ATM: variants seen among roughly 807,000 people sequenced by gnomAD.
ATM encodes the protein ATM serine/threonine kinase, also known as serine-protein kinase ATM.
Under a neutral mutation model 387.0 loss-of-function variants are expected in ATM, and 308 were observed. The ratio of observed to expected loss-of-function variants is 0.80; its 90% CI spans 0.73 to 0.87. ATM has a LOEUF of 0.87. ATM is among the 40% of genes least tolerant of loss of function. ATM has a pLI of 0.00. For missense variants in ATM, 3,312 were observed against 3,560.9 expected (o/e 0.93, Z 1.78); for synonymous variants, 1,156 against 1,187.3 (o/e 0.97, Z 0.54).
At chr11:108,304,631 C>G (rs1346118516) in intron 36 of ATM, 44 bp from the exon 37 acceptor site, 2 of 1,576,698 alleles carry the variant, frequency 1.3e-6, no homozygotes, top group East Asian at 2.2e-5. Context: ...TAATTTTACT[C>G]ATTTTTACTC....
rs4987929 is a variant in ATM, at chr11:108,247,405, C to T, written c.1065+278C>T. On this transcript the variant is annotated intron_variant, in intron 8 of 62. Transcript: ENST00000675843. ...TGACCCTAACCCTAATGATTCGATTCGACTCGACTGTATTCTACAAAGTGC... is the reference window on the plus strand; with the variant it reads ...TGACCCTAACCCTAATGATTCGATTTGACTCGACTGTATTCTACAAAGTGC... Among the ~76,000 whole-genome samples the T allele has an allele frequency of 0.024, 3,576 of 152,134 alleles. 103 individuals are homozygous for T. Among genetic ancestry groups the T allele is most frequent in the African/African-American group, 0.074 (3,086 of 41,490 alleles).
At chr11:108,324,268 A>G (rs2085444601) in intron 45 of ATM, among the ~76,000 whole-genome samples, 1 of 152,208 alleles carries the variant, frequency 6.6e-6, no homozygotes, top group South Asian at 2.1e-4. Context: ...GCCATTTTAA[A>G]TAAGGGACTT....
chr11:108,293,166 A>T (rs2082900491), intron 30 of ATM, 147 bp from the exon 31 acceptor site: 1 of 616,666 alleles, frequency 1.6e-6, no homozygotes, highest in Admixed American at 3.3e-5. Context: ...GAAAACACAG[A>T]AACTAAAAGC....
intron 35 of ATM, 73 bp downstream of exon 35, chr11:108,301,862 T>G (rs902057026): frequency 4.0e-6 from 6 of 1,515,096 alleles, no homozygotes; most frequent in Non-Finnish European, 5.5e-6. Context: ...GGGTCATGAC[T>G]GTTAAATTGC....
chr11:108,312,485 G>T lies in ATM; in HGVS notation c.5993G>T (p.Gly1998Val), dbSNP rs1188125296. The T allele has an allele frequency of 7.6e-6, 12 of 1,570,434 alleles. No individual in the cohort carries two copies. The highest frequency in any genetic ancestry group is 9.6e-6 in the Non-Finnish European group (11 of 1,140,838). ...SLSEKSKEET[G>V]ISLQDLLLEI... ...AGTGAAAAAAGTAAAGAAGAAACTG[G>T]AATAAGTTTACAGGTAAATATTAGA... The change falls in exon 40 of 63, where the codon GGA becomes GTA. Residue 1998 changes from glycine to valine, a missense_variant. Physicochemically the swap from Gly to Val is moderately radical, Grantham distance 109 (BLOSUM62 -3). This residue lies in a region of ATM where 1,405 missense variants were observed against 1,604.4 expected (regional missense o/e 0.88). Transcript: ENST00000675843.
At chr11:108,335,285 TTG>T in intron 55 of ATM, 176 bp downstream of exon 55, 3 of 1,517,092 alleles carry the variant, frequency 2.0e-6, no homozygotes, top group Middle Eastern at 3.4e-4. Context: ...TCCATTTTTT[TTG>T]TGTCTCTGAA....
chr11:108,271,387 A>T lies in ATM; in HGVS notation c.3058A>T (p.Thr1020Ser), dbSNP rs1315108082. 1 of 1,614,106 alleles carries T rather than the reference A, an allele frequency of 6.2e-7. No homozygotes were observed. Among genetic ancestry groups the T allele is most frequent in the Non-Finnish European group, 8.5e-7 (1 of 1,180,002 alleles). The change falls in exon 20 of 63, where the codon ACA becomes TCA. Residue 1020 changes from threonine to serine, a missense_variant. Physicochemically the swap from Thr to Ser is moderately conservative, Grantham distance 58. This residue lies in a region of ATM where 1,791 missense variants were observed against 1,804.5 expected (regional missense o/e 0.99). Transcript: ENST00000675843. ...NTRDAQGQFL[T>S]VIGAFWHLTK... Reference sequence around the variant, plus strand: ...AAGGGATGCTCAAGGACAGTTTCTTACAGTAATTGGAGCATTTTGGTAGGT... The same window carrying T: ...AAGGGATGCTCAAGGACAGTTTCTTTCAGTAATTGGAGCATTTTGGTAGGT...
At chr11:108,355,159 G>T in intron 61 of ATM, 2 of 392,476 alleles carry the variant, frequency 5.1e-6, no homozygotes, top group Non-Finnish European at 9.3e-6. Context: ...TATTCCATAT[G>T]GTATTATTAT....
At chr11:108,338,114 C>T (rs1162964397) in intron 56 of ATM, among the ~76,000 whole-genome samples, 2 of 152,232 alleles carry the variant, frequency 1.3e-5, no homozygotes, top group African/African-American at 2.4e-5. Context: ...TTCAGGAGGC[C>T]GAGGTGGGCG....
At chr11:108,295,290 A>T in intron 32 of ATM, 2 of 481,884 alleles carry the variant, frequency 4.2e-6, no homozygotes, top group South Asian at 2.5e-5. Flanking sequence ...CCCAAATATG[A>T]TCATGTTTTT....
intron 45 of ATM, among the ~76,000 whole-genome samples, chr11:108,322,258 G>A (rs2085291084): frequency 1.3e-5 from 2 of 152,000 alleles, no homozygotes; most frequent in Admixed American, 6.6e-5. Context: ...AGGTTCAAGC[G>A]ATTCTCCTGC....
chr11:108,340,522 AT>A (rs1176598977), intron 56 of ATM, among the ~76,000 whole-genome samples: 1 of 152,186 alleles, frequency 6.6e-6, no homozygotes, highest in African/African-American at 2.4e-5. Context: ...AGCAAGTCCT[AT>A]TGGTCAACTT....
At chr11:108,280,951 C>T (rs1203116353) in intron 23 of ATM, 44 bp from the exon 24 acceptor site, 5 of 1,537,588 alleles carry the variant, frequency 3.3e-6, no homozygotes, top group Admixed American at 1.7e-5. Flanking sequence ...GATTGTTAAA[C>T]ATTTACATTT....
chr11:108,243,999 T>C lies in ATM; in HGVS notation c.543T>C (p.Asp181=). ...GGCTCTATCTGAAACCTTCACAAGA[T>C]GTTCATAGAGTTTTAGTGGCTAGAA... The part of the protein sequence containing the change: ...YFRLYLKPSQ[D]VHRVLVARII... Residue 181 remains aspartate (D), a synonymous_variant, in exon 6 of 63, where the codon GAT becomes GAC. Coordinates refer to ENST00000675843, the MANE Select transcript of ATM (RefSeq NM_000051.4). 1.2e-6 allele frequency: 2 copies of C among 1,612,104 alleles called. No homozygotes were observed. Among genetic ancestry groups the C allele is most frequent in the African/African-American group, 1.3e-5 (1 of 74,962 alleles).
intron 43 of ATM, among the ~76,000 whole-genome samples, chr11:108,318,079 C>T (rs1022477146): frequency 3.5e-4 from 53 of 152,044 alleles, no homozygotes; most frequent in African/African-American, 9.4e-4. Context: ...AAAAATAATA[C>T]GGCCAGGCAC....
At chr11:108,252,736 C>G in intron 11 of ATM, 81 bp from the exon 12 acceptor site, 3 of 966,592 alleles carry the variant, frequency 3.1e-6, no homozygotes, top group African/African-American at 3.3e-5. Context: ...AGATTTATAG[C>G]TAAACATGGA....
chr11:108,328,894 TC>T, intron 48 of ATM, 126 bp from the exon 49 acceptor site: 1 of 1,057,448 alleles, frequency 9.5e-7, no homozygotes, highest in Non-Finnish European at 1.4e-6. Flanking sequence ...TTGCAATAGT[TC>T]ATATAATTTA....
At chr11:108,316,795 G>A (rs865850404) in intron 42 of ATM, among the ~76,000 whole-genome samples, 9 of 150,464 alleles carry the variant, frequency 6.0e-5, no homozygotes, top group African/African-American at 2.2e-4. Context: ...GTGTGGTGGC[G>A]GGTGCCTGTA....
intron 1 of ATM, chr11:108,225,536 T>A (rs2078696028): frequency 6.6e-6 from 1 of 152,220 alleles, no homozygotes. Flanking sequence ...TGCAATTGCG[T>A]GATCTCAGCT....
Sources: allele counts gnomAD v4.1 joint callset (sites outside exome capture counted in the v4.1 genomes callset), GRCh38; gene constraint gnomAD v4.1.1; regional missense constraint gnomAD v4.1.1; transcripts MANE v1.5; gene names NCBI Gene and HGNC (gene_info 2026-07-23, HGNC 2026-07-21).